KATNIP: variants seen among roughly 807,000 people sequenced by gnomAD.
KATNIP encodes katanin-interacting protein.
Under a neutral mutation model 174.0 loss-of-function variants are expected in KATNIP, and 126 were observed. The ratio of observed to expected loss-of-function variants is 0.72; its 90% confidence interval spans 0.63 to 0.84. The LOEUF is 0.84. Among genes scored for constraint, KATNIP ranks in the 40% least tolerant of loss-of-function variants. KATNIP has a pLI of 0.00. For missense variants in KATNIP, 1,958 were observed against 2,109.7 expected, an observed-to-expected ratio of 0.93 and a Z score of 1.41; for synonymous variants, 810 against 835.7, an observed-to-expected ratio of 0.97 and a Z score of 0.53.
chr16:27,716,948 G>T (rs567542846), intron 13 of KATNIP, among the ~76,000 whole-genome samples: 1 of 152,038 alleles, frequency 6.6e-6, no homozygotes, highest in African/African-American at 2.4e-5. Flanking sequence ...GGGTTCGAGC[G>T]ATTCTTCTGC....
At chr16:27,670,155 G>A (rs2077843681) in intron 6 of KATNIP, among the ~76,000 whole-genome samples, 1 of 152,144 alleles carries the variant, frequency 6.6e-6, no homozygotes, top group Non-Finnish European at 1.5e-5. Context: ...GAAATAAGAG[G>A]TTAGAGTTGC....
At chr16:27,670,891 T>C (rs1029886398) in intron 6 of KATNIP, among the ~76,000 whole-genome samples, 1 of 152,080 alleles carries the variant, frequency 6.6e-6, no homozygotes, top group Non-Finnish European at 1.5e-5. Flanking sequence ...AGAGAGATCA[T>C]TGTTAATAGT....
In KATNIP at chr16:27,720,496, CTTTT is replaced by C. The variant is rs56263804; in HGVS notation, c.1606-1046_1606-1043del. On this transcript the variant is annotated intron_variant, in intron 13 of 27. Coordinates refer to ENST00000261588, the MANE Select transcript of KATNIP (RefSeq NM_015202.5). The stretch of plus-strand genomic sequence containing the variant: ...TATTTATTACACAAAGGGTTTTGTT[CTTTT>C]TTTTTTTTTTTTTTTGGCATCTTCC... 1.1e-3 allele frequency among the ~76,000 whole-genome samples: 133 copies of C among 124,530 alleles called. 1 individual carries two copies. Among genetic ancestry groups the C allele is most frequent in the Non-Finnish European group, 8.9e-4 (56 of 62,904 alleles). The allele number at this position is 124,530 out of a possible 152,430, so 81.7% of individuals were successfully genotyped here.
At chr16:27,602,395 T>C (rs902262822) in intron 2 of KATNIP, among the ~76,000 whole-genome samples, 1 of 152,156 alleles carries the variant, frequency 6.6e-6, no homozygotes, top group Non-Finnish European at 1.5e-5. Flanking sequence ...CCCACTCCCC[T>C]GCCTTGTTCA....
chr16:27,628,603 G>A (rs1249974772), intron 3 of KATNIP, 58 bp from the exon 4 acceptor site: 2 of 1,569,534 alleles, frequency 1.3e-6, no homozygotes, highest in Non-Finnish European at 1.7e-6. Context: ...TGGCTTGGGG[G>A]TACAGCAGCC....
rs183106170 is a variant in KATNIP, at chr16:27,654,741, G to T, written c.540+6006G>T. The T allele has an allele frequency of 1.6e-4, 222 of 1,352,024 alleles. 2 individuals carry two copies. In the Middle Eastern group the frequency reaches 3.8e-3, roughly 23 times the overall value. The allele number at this position is 1,352,024 out of a possible 1,614,324, so 83.8% of individuals were successfully genotyped here. ...TTAACTATTCAGGATGTGATGGTAA[G>T]ATCAGTTTTCAGCATCCTAACCCCT... On this transcript the variant is annotated intron_variant, in intron 6 of 27. Coordinates refer to ENST00000261588, the MANE Select transcript of KATNIP (RefSeq NM_015202.5).
At chr16:27,681,277 A>G (rs1446475985) in intron 7 of KATNIP, 122 bp from the exon 8 acceptor site, 8 of 1,304,114 alleles carry the variant, frequency 6.1e-6, no homozygotes, top group Admixed American at 3.5e-5. Context: ...CCCAAACTGC[A>G]CAAAGTAGTT....
chr16:27,714,177 C>A lies in KATNIP; in HGVS notation c.1605+5257C>A, dbSNP rs370466740. On this transcript the variant is annotated intron_variant, in intron 13 of 27. Transcript: ENST00000261588. ...GCAAGACTTTCCCTCACCCAACAATCTGGAGGAGGCCTGTTCCCTCCCACC... is the reference window on the plus strand; with the variant it reads ...GCAAGACTTTCCCTCACCCAACAATATGGAGGAGGCCTGTTCCCTCCCACC... 2.6e-5 allele frequency among the ~76,000 whole-genome samples: 4 copies of A among 152,042 alleles called. No homozygotes were observed. The East Asian group carries it at 5.8e-4, about 22-fold the overall frequency.
intron 8 of KATNIP, among the ~76,000 whole-genome samples, chr16:27,697,058 G>C (rs2078938947): frequency 6.6e-6 from 1 of 152,160 alleles, no homozygotes; most frequent in South Asian, 2.1e-4. Context: ...GTCTACTGTT[G>C]ATGGGCATTT....
At chr16:27,736,477 G>A (rs1049953312) in intron 14 of KATNIP, among the ~76,000 whole-genome samples, 5 of 152,214 alleles carry the variant, frequency 3.3e-5, no homozygotes, top group African/African-American at 1.2e-4. Context: ...AGAGGGGACC[G>A]ATGAGGTGGG....
chr16:27,654,849 G>C, intron 6 of KATNIP: 7 of 995,418 alleles, frequency 7.0e-6, no homozygotes, highest in Non-Finnish European at 9.7e-6. Context: ...AAAACCACAG[G>C]GCGGGCACGG....
At chr16:27,624,908 G>A (rs1161435174) in intron 3 of KATNIP, among the ~76,000 whole-genome samples, 1 of 152,184 alleles carries the variant, frequency 6.6e-6, no homozygotes, top group African/African-American at 2.4e-5. Context: ...TCCAGTGCGG[G>A]GGAAGAAGAA....
chr16:27,669,728 G>A (rs2077824656), intron 6 of KATNIP, among the ~76,000 whole-genome samples: 1 of 152,188 alleles, frequency 6.6e-6, no homozygotes, highest in Non-Finnish European at 1.5e-5. Context: ...TAAGGGTCTA[G>A]GTTCATCCAG....
chr16:27,753,712 C>CCCTTCCTTCCTT (rs1004853590), intron 17 of KATNIP, among the ~76,000 whole-genome samples: 14 of 151,122 alleles, frequency 9.3e-5, no homozygotes, highest in African/African-American at 3.4e-4. Flanking sequence ...CTTCCACTTC[C>CCCTTCCTTCCTT]CCTTCCTTCC....
chr16:27,578,039 G>A (rs1256265761), intron 2 of KATNIP, among the ~76,000 whole-genome samples: 3 of 152,054 alleles, frequency 2.0e-5, no homozygotes, highest in Non-Finnish European at 4.4e-5. Flanking sequence ...CAATGTCCAG[G>A]CCTCTTTCCA....
chr16:27,689,023 G>A (rs2078622362), intron 8 of KATNIP, among the ~76,000 whole-genome samples: 1 of 152,202 alleles, frequency 6.6e-6, no homozygotes, highest in Non-Finnish European at 1.5e-5. Flanking sequence ...GGCTGAGAAA[G>A]GTGAGGAAAG....
At chr16:27,559,257 T>G (rs576355998) in intron 1 of KATNIP, among the ~76,000 whole-genome samples, 1 of 152,236 alleles carries the variant, frequency 6.6e-6, no homozygotes, top group African/African-American at 2.4e-5. Flanking sequence ...CACCTTGAAG[T>G]ATAGAATTTC....
chr16:27,737,817 C>T (rs1269004356), intron 14 of KATNIP, among the ~76,000 whole-genome samples: 1 of 152,140 alleles, frequency 6.6e-6, no homozygotes, highest in Non-Finnish European at 1.5e-5. Context: ...CTGTAATTTA[C>T]TTTAGGAACC....
chr16:27,648,577 T>C lies in KATNIP; in HGVS notation c.409-27T>C, dbSNP rs966018895. The C allele has an allele frequency of 1.9e-6, 3 of 1,613,582 alleles. No homozygotes were observed. The African/African-American group carries it at 4.0e-5, about 22-fold the overall frequency. The stretch of plus-strand genomic sequence containing the variant: ...GGAATGAAGACCTCATTCCACCTTA[T>C]CTGAAATGGCCTGCATTTTTGTACA... On this transcript the variant is annotated intron_variant, in intron 5 of 27. Transcript: ENST00000261588.
Sources: gnomAD v4.1 joint callset for allele counts (sites outside exome capture counted in the v4.1 genomes callset) on GRCh38, gnomAD v4.1.1 for gene constraint, MANE v1.5 for transcripts, NCBI Gene and HGNC (gene_info 2026-07-23, HGNC 2026-07-21) for gene names.